RSF1: variants seen among roughly 807,000 people sequenced by gnomAD.
The protein encoded by RSF1 is HBV pX-associated protein 8.
In RSF1, 13 loss-of-function variants were observed where a neutral mutation model predicts 145.2. That is an observed-to-expected ratio of 0.09 (90% CI 0.06 to 0.14). The LOEUF is 0.14. Ranked by LOEUF, RSF1 falls within the 10% of genes least tolerant of loss-of-function variation. The probability of loss-of-function intolerance (pLI) is 1.00; values close to 1 mark genes in which losing one functional copy is unlikely to be tolerated. For synonymous variants in RSF1, 577 were observed against 592.6 expected (o/e 0.97, Z 0.38); for missense variants, 1,517 against 1,718.2 (o/e 0.88, Z 2.07).
intron 9 of RSF1, among the ~76,000 whole-genome samples, chr11:77,685,992 T>C (rs1432287662): frequency 6.6e-6 from 1 of 152,142 alleles, no homozygotes; most frequent in Non-Finnish European, 1.5e-5. Flanking sequence ...TGCAGACGTA[T>C]AGCTCTGTGC....
rs565604966 is a variant in RSF1, at chr11:77,723,175, G to A, written c.733+2370C>T. Among the ~76,000 whole-genome samples the A allele has an allele frequency of 6.6e-5, 10 of 152,262 alleles. No individual in the cohort carries two copies. In the South Asian group the frequency reaches 8.3e-4, roughly 13 times the overall value. On this transcript the variant is annotated intron_variant, in intron 5 of 15. Transcript: ENST00000308488. ...TCAGACTACTTTTAAATTATTATGC[G>A]TGGCTGGGCACAGTGACTCATTCCT...
chr11:77,856,579 G>T, the RSF1 span, among the ~76,000 whole-genome samples: 3 of 152,232 alleles, frequency 2.0e-5, no homozygotes, highest in South Asian at 6.2e-4. Flanking sequence ...ATTGGCTCAC[G>T]GTTCCACAGG....
At chr11:77,870,493 C>T in the RSF1 span, among the ~76,000 whole-genome samples, 1 of 151,628 alleles carries the variant, frequency 6.6e-6, no homozygotes, top group African/African-American at 2.4e-5. Flanking sequence ...CCCACCACCA[C>T]GCCTGGCTAA....
chr11:77,807,876 A>C (rs982255650), intron 1 of RSF1, among the ~76,000 whole-genome samples: 2 of 152,186 alleles, frequency 1.3e-5, no homozygotes, highest in Non-Finnish European at 2.9e-5. Flanking sequence ...CAGTTGCTTT[A>C]ATTAGGGTAA....
rs1334380135 is a variant in RSF1 at position 77,666,378 on chromosome 11, T to TTTGTG, written c.*538_*539insCACAA. 6.6e-6 allele frequency: 1 copy of TTTGTG among 152,636 alleles called. No individual in the cohort carries two copies. The highest frequency in any genetic ancestry group is 6.5e-5 in the Admixed American group (1 of 15,272). The allele number at this position is 152,636 out of a possible 1,614,324, so 9.5% of individuals were successfully genotyped here. A position where few individuals can be genotyped will look rare whatever the true frequency, so the allele number is the denominator to read the frequency against. Reference sequence around the variant, plus strand: ...AAGTTCATTTCACAAAGGCTGTTACTAAATGACTTATGTATGATGTTATCT... The same window carrying TTTGTG: ...AAGTTCATTTCACAAAGGCTGTTACTTTGTGAAATGACTTATGTATGATGTTATCT... On this transcript the variant is annotated 3_prime_UTR_variant, in exon 16 of 16. Coordinates refer to ENST00000308488, the MANE Select transcript of RSF1 (RefSeq NM_016578.4).
At chr11:77,831,692 A>T in the RSF1 span, among the ~76,000 whole-genome samples, 11 of 142,474 alleles carry the variant, frequency 7.7e-5, no homozygotes, top group Admixed American at 3.0e-4. Context: ...TTACTTAGGT[A>T]TCTTTTTTTT....
At chr11:77,789,225 A>C (rs1475520145) in intron 1 of RSF1, among the ~76,000 whole-genome samples, 2 of 152,170 alleles carry the variant, frequency 1.3e-5, no homozygotes, top group African/African-American at 2.4e-5. Context: ...TAGCCACGGG[A>C]GAGGGCCTCA....
intron 2 of RSF1, chr11:77,763,692 T>C (rs1358218554): frequency 6.6e-6 from 1 of 152,176 alleles, no homozygotes; most frequent in East Asian, 1.9e-4. Context: ...AACATCTTCC[T>C]GAGAGAAGGA....
At chr11:77,672,880 G>A (rs1959594490) in intron 14 of RSF1, among the ~76,000 whole-genome samples, 4 of 152,040 alleles carry the variant, frequency 2.6e-5, no homozygotes, top group African/African-American at 7.3e-5. Context: ...ATGGGGTTTC[G>A]CCATGTTGGC....
intron 1 of RSF1, among the ~76,000 whole-genome samples, chr11:77,820,121 G>A (rs1483112570): frequency 2.6e-5 from 4 of 152,178 alleles, no homozygotes; most frequent in Admixed American, 1.3e-4. Context: ...AGGGAGTAAG[G>A]GTGGGGAGGA....
At position 77,660,474 on chromosome 11, in the gene RSF1, T is replaced by C. The variant is rs1254077484; in HGVS notation, c.*6443A>G. ...GAGAGCACTCCAGCTTCTATTTGAC[T>C]AACAGCATGGTCCTGATTACCTCAA... On this transcript the variant is annotated 3_prime_UTR_variant, in exon 16 of 16. Coordinates refer to ENST00000308488, the MANE Select transcript of RSF1 (RefSeq NM_016578.4). 2.8e-5 allele frequency: 4 copies of C among 143,810 alleles called. No homozygotes were observed. Among genetic ancestry groups the C allele is most frequent in the African/African-American group, 5.0e-5 (2 of 39,866 alleles). The allele number at this position is 143,810 out of a possible 1,614,324, so 8.9% of individuals were successfully genotyped here. A position where few individuals can be genotyped will look rare whatever the true frequency, so the allele number is the denominator to read the frequency against.
In RSF1 at chr11:77,693,622, C is replaced by T; in HGVS notation, c.2716-11G>A. Reference sequence around the variant, plus strand: ...GTCACACAGAAGAATCTGAAATAACCACACTGATGTCAACCTAACTATGAC... The same window carrying T: ...GTCACACAGAAGAATCTGAAATAACTACACTGATGTCAACCTAACTATGAC... On this transcript the variant is annotated splice_polypyrimidine_tract_variant and intron_variant, in intron 7 of 15. Transcript: ENST00000308488. 6.3e-7 allele frequency: 1 copy of T among 1,591,904 alleles called. No individual in the cohort carries two copies. Among genetic ancestry groups the T allele is most frequent in the Non-Finnish European group, 8.6e-7 (1 of 1,160,612 alleles).
intron 6 of RSF1, among the ~76,000 whole-genome samples, chr11:77,700,148 C>T (rs1463175103): frequency 1.3e-5 from 2 of 151,784 alleles, no homozygotes; most frequent in African/African-American, 2.4e-5. Context: ...GTCAAGAGAT[C>T]GAGATCATCC....
chr11:77,869,312 C>CTTTTTTTTTTTTTTTTTTTTT, the RSF1 span: 1 of 126,850 alleles, frequency 7.9e-6, no homozygotes, highest in Non-Finnish European at 1.6e-5. Context: ...ATCTCTTTTT[C>CTTTTTTTTTTTTTTTTTTTTT]TTTTTTTTTT....
chr11:77,820,709 C>T lies in RSF1; in HGVS notation c.6G>A (p.Ala2=). Residue 2 remains alanine (A), a synonymous_variant, in exon 1 of 16, where the codon GCG becomes GCA. Coordinates refer to ENST00000308488, the MANE Select transcript of RSF1 (RefSeq NM_016578.4). M[A]TAAAAAAVMA... ...TCACCGCCGCCGCTGCCGCCGCCGT[C>T]GCCATTTTGAACTGGAGGATGGAGG... 6.5e-7 allele frequency: 1 copy of T among 1,548,832 alleles called. No homozygotes were observed. The highest frequency in any genetic ancestry group is 8.7e-7 in the Non-Finnish European group (1 of 1,147,204).
intron 4 of RSF1, among the ~76,000 whole-genome samples, chr11:77,737,547 A>T (rs1275411125): frequency 6.6e-6 from 1 of 151,982 alleles, no homozygotes; most frequent in South Asian, 2.1e-4. Context: ...CCTTCTGAAC[A>T]ATTGCCACAT....
the RSF1 span, among the ~76,000 whole-genome samples, chr11:77,826,530 T>C: frequency 2.0e-5 from 3 of 152,210 alleles, no homozygotes; most frequent in African/African-American, 7.2e-5. Flanking sequence ...CCAGAAAGGC[T>C]GTACTGACTG....
intron 15 of RSF1, among the ~76,000 whole-genome samples, chr11:77,669,606 C>T (rs1959465901): frequency 6.6e-6 from 1 of 152,232 alleles, no homozygotes; most frequent in South Asian, 2.1e-4. Context: ...ACACTAGCCA[C>T]ATTTCAAGTG....
At chr11:77,704,998 ACCTT>A (rs1960512729) in intron 5 of RSF1, among the ~76,000 whole-genome samples, 1 of 152,022 alleles carries the variant, frequency 6.6e-6, no homozygotes, top group Admixed American at 6.6e-5. Context: ...TGATCCGCCC[ACCTT>A]GGCCTCCCAA....
Sources: allele counts gnomAD v4.1 joint callset (sites outside exome capture counted in the v4.1 genomes callset), GRCh38; gene constraint gnomAD v4.1.1; transcripts MANE v1.5; gene names NCBI Gene and HGNC (gene_info 2026-07-23, HGNC 2026-07-21).